Variants in SPMIP5 observed in about 807,000 individuals in gnomAD.
The protein encoded by SPMIP5 is sperm-associated microtubule inner protein 5.
the SPMIP5 span, chr10:116,664,433 G>T: frequency 1.3e-6 from 1 of 787,888 alleles, no homozygotes; most frequent in Non-Finnish European, 1.9e-6. Context: ...TCCTCATTTC[G>T]CAGAAGAGAA....
the SPMIP5 span, chr10:116,664,552 G>T: frequency 9.8e-7 from 1 of 1,023,696 alleles, no homozygotes; most frequent in Non-Finnish European, 1.3e-6. Context: ...CACAGGTAGA[G>T]CTGCTGGGGA....
the SPMIP5 span, chr10:116,668,154 G>A: frequency 9.0e-7 from 1 of 1,110,346 alleles, no homozygotes; most frequent in East Asian, 2.4e-5. Flanking sequence ...CGCCTAGACT[G>A]GTCCAGTTGG....
At chr10:116,665,575 G>C in the SPMIP5 span, 1 of 1,590,788 alleles carries the variant, frequency 6.3e-7, no homozygotes, top group Non-Finnish European at 8.6e-7. Context: ...GGGTGACCAG[G>C]GGTGAGGGGA....
chr10:116,669,037 A>G, the SPMIP5 span, among the ~76,000 whole-genome samples: 2 of 151,952 alleles, frequency 1.3e-5, no homozygotes, highest in African/African-American at 4.8e-5. Context: ...ATGGAGTCCA[A>G]GGAGGGTAAG....
chr10:116,663,723 CAT>C, the SPMIP5 span: 20 of 640,146 alleles, frequency 3.1e-5, no homozygotes, highest in Non-Finnish European at 4.8e-5. Context: ...TTTATTCCCA[CAT>C]GACAAAAAAC....
chr10:116,665,001 A>T, the SPMIP5 span: 1 of 1,557,942 alleles, frequency 6.4e-7, no homozygotes, highest in Non-Finnish European at 8.6e-7. Flanking sequence ...TTTTCCACTG[A>T]CCCAGAAGCT....
At chr10:116,664,379 G>T in the SPMIP5 span, 2 of 885,696 alleles carry the variant, frequency 2.3e-6, no homozygotes, top group Non-Finnish European at 3.3e-6. Flanking sequence ...TATGAACATG[G>T]TATGTTATTT....
the SPMIP5 span, chr10:116,663,930 G>A: frequency 6.5e-7 from 1 of 1,537,052 alleles, no homozygotes; most frequent in South Asian, 1.2e-5. Flanking sequence ...ACTTTGCGGA[G>A]GACAGTGGCT....
At chr10:116,665,130 C>G in the SPMIP5 span, 1 of 1,375,802 alleles carries the variant, frequency 7.3e-7, no homozygotes, top group East Asian at 2.8e-5. Context: ...GCCTCTGTGG[C>G]TCATGCCTGT....
the SPMIP5 span, chr10:116,664,103 GA>G: frequency 6.2e-7 from 1 of 1,613,668 alleles, no homozygotes; most frequent in South Asian, 1.1e-5. Flanking sequence ...CAGCTAAGCA[GA>G]AAGGCCACTG....
At chr10:116,664,159 G>A in the SPMIP5 span, 3 of 1,614,002 alleles carry the variant, frequency 1.9e-6, no homozygotes, top group African/African-American at 4.0e-5. Context: ...GAAGGAAAGA[G>A]ACATTTCTCC....
At chr10:116,663,546 A>C in the SPMIP5 span, 8 of 190,008 alleles carry the variant, frequency 4.2e-5, no homozygotes, top group Non-Finnish European at 8.7e-5. Context: ...GCTGTCAGGA[A>C]CATGCCAGGA....
the SPMIP5 span, among the ~76,000 whole-genome samples, chr10:116,668,093 C>T: frequency 4.0e-4 from 61 of 152,368 alleles, no homozygotes; most frequent in East Asian, 0.01. Flanking sequence ...ACCCGGCCAT[C>T]AGCCATCTTC....
chr10:116,666,828 A>G, the SPMIP5 span, among the ~76,000 whole-genome samples: 1 of 152,232 alleles, frequency 6.6e-6, no homozygotes. Flanking sequence ...ATATTAGTGC[A>G]TATATGCACA....
chr10:116,665,596 G>A, the SPMIP5 span: 1 of 1,607,370 alleles, frequency 6.2e-7, no homozygotes, highest in Non-Finnish European at 8.5e-7. Flanking sequence ...AATGGTTTCA[G>A]GGCGCTGCTA....
the SPMIP5 span, chr10:116,665,389 A>C: frequency 2.1e-6 from 1 of 476,246 alleles, no homozygotes; most frequent in Non-Finnish European, 3.7e-6. Flanking sequence ...TAGGCAACAG[A>C]GTGAGACTCC....
chr10:116,665,871 G>A, the SPMIP5 span: 7 of 1,538,920 alleles, frequency 4.5e-6, no homozygotes, highest in Non-Finnish European at 6.2e-6. Context: ...AGACTGGCCA[G>A]CAAGGAATTC....
the SPMIP5 span, among the ~76,000 whole-genome samples, chr10:116,667,182 G>A: frequency 6.6e-6 from 1 of 152,202 alleles, no homozygotes; most frequent in Admixed American, 6.5e-5. Flanking sequence ...TGCCGTGTGA[G>A]GATGAAGAGA....
chr10:116,664,221 A>C, the SPMIP5 span: 3 of 1,613,638 alleles, frequency 1.9e-6, no homozygotes, highest in Non-Finnish European at 2.5e-6. Context: ...TTCATGCTGC[A>C]AAACTTTTGG....
Sources: gnomAD v4.1 joint callset for allele counts (sites outside exome capture counted in the v4.1 genomes callset) on GRCh38, gnomAD v4.1.1 for gene constraint, MANE v1.5 for transcripts, NCBI Gene and HGNC (gene_info 2026-07-23, HGNC 2026-07-21) for gene names.